The following AKAP13 variants were observed in gnomAD, a reference collection of about 807,000 sequenced individuals.
AKAP13 encodes the protein A-kinase anchoring protein 13, also known as A-kinase anchor protein 13.
In AKAP13, 80 loss-of-function variants were observed where a neutral mutation model predicts 264.5. That is an observed-to-expected ratio of 0.30 (90% CI 0.25 to 0.36). The LOEUF is 0.36. Ranked by LOEUF, AKAP13 falls within the 10% of genes least tolerant of loss-of-function variation. AKAP13 has a pLI of 1.00. For missense variants in AKAP13, 3,712 were observed against 3,435.2 expected, an observed-to-expected ratio of 1.08 and a Z score of -2.01; for synonymous variants, 1,380 against 1,250.2, an observed-to-expected ratio of 1.10 and a Z score of -2.19.
intron 14 of AKAP13, among the ~76,000 whole-genome samples, chr15:85,678,839 A>G (rs538983810): frequency 2.9e-4 from 44 of 152,186 alleles, no homozygotes; most frequent in African/African-American, 1.1e-3. Context: ...ACTACACTCT[A>G]GCCTGAGTGA....
Position 85,579,526 on chromosome 15 carries a change from C to T in AKAP13, c.1458C>T (p.Leu486=), listed in dbSNP as rs756635617. The change falls in exon 7 of 37, where the codon CTC becomes CTT. Residue 486 remains leucine, a synonymous_variant. Coordinates refer to ENST00000394518, the MANE Select transcript of AKAP13 (RefSeq NM_007200.5). ...CTGCAGGGGAAATGGAACATGGGCT[C>T]ATGAACCCAGATGCCACTGTTTGGA... ...PDTAGEMEHG[L]MNPDATVWKN... 1.7e-4 allele frequency: 274 copies of T among 1,614,022 alleles called. No homozygotes were observed. The highest frequency in any genetic ancestry group is 2.3e-4 in the Non-Finnish European group (268 of 1,180,030).
chr15:85,603,971 GACTTGTC>G (rs1420346525), intron 8 of AKAP13, among the ~76,000 whole-genome samples: 1 of 152,166 alleles, frequency 6.6e-6, no homozygotes, highest in African/African-American at 2.4e-5. Context: ...CATGCACAGT[GACTTGTC>G]ACATTTCTCA....
chr15:85,702,821 C>T (rs2086011357), intron 17 of AKAP13: 2 of 152,176 alleles, frequency 1.3e-5, no homozygotes, highest in Admixed American at 1.3e-4. Flanking sequence ...TCTTATTTCT[C>T]TATTATGTAA....
intron 1 of AKAP13, among the ~76,000 whole-genome samples, chr15:85,445,285 A>T (rs1596202886): frequency 6.6e-6 from 1 of 152,144 alleles, no homozygotes; most frequent in Non-Finnish European, 1.5e-5. Context: ...GCACCTTACC[A>T]CTGAAAGGGG....
intron 8 of AKAP13, among the ~76,000 whole-genome samples, chr15:85,633,077 A>G (rs537424654): frequency 1.8e-4 from 28 of 152,228 alleles, no homozygotes; most frequent in African/African-American, 6.7e-4. Flanking sequence ...TATGTTGGCC[A>G]GGATGATCTC....
chr15:85,482,593 G>A (rs1029620717), intron 1 of AKAP13, among the ~76,000 whole-genome samples: 3 of 152,172 alleles, frequency 2.0e-5, no homozygotes, highest in Admixed American at 6.5e-5. Flanking sequence ...ATCCTCTTAC[G>A]ATGTGGGGGG....
intron 1 of AKAP13, among the ~76,000 whole-genome samples, chr15:85,444,117 C>G (rs1249072214): frequency 6.6e-6 from 1 of 152,120 alleles, no homozygotes; most frequent in African/African-American, 2.4e-5. Flanking sequence ...CAGTTTGAAG[C>G]AGACTTCTTT....
At chr15:85,692,191 C>G (rs1234188964) in intron 16 of AKAP13, among the ~76,000 whole-genome samples, 1 of 152,122 alleles carries the variant, frequency 6.6e-6, no homozygotes, top group Non-Finnish European at 1.5e-5. Flanking sequence ...ACTTCCTTTC[C>G]CTTACTGCAA....
chr15:85,484,597 T>G (rs779390903), intron 1 of AKAP13, among the ~76,000 whole-genome samples: 8 of 152,178 alleles, frequency 5.3e-5, no homozygotes, highest in African/African-American at 2.4e-5. Context: ...AGGAGGCTGA[T>G]GTAGATTTTT....
chr15:85,532,272 C>A (rs1158709149), intron 3 of AKAP13, among the ~76,000 whole-genome samples: 5 of 152,224 alleles, frequency 3.3e-5, no homozygotes, highest in African/African-American at 1.2e-4. Context: ...AATTAACTTA[C>A]TTATTATTCT....
chr15:85,549,944 A>G (rs2077894386), intron 5 of AKAP13, among the ~76,000 whole-genome samples: 1 of 152,042 alleles, frequency 6.6e-6, no homozygotes, highest in Non-Finnish European at 1.5e-5. Context: ...ATTGAGACAG[A>G]CTATTGCTGT....
At chr15:85,383,198 A>C (rs2070382220) in intron 1 of AKAP13, among the ~76,000 whole-genome samples, 4 of 152,102 alleles carry the variant, frequency 2.6e-5, no homozygotes. Flanking sequence ...CAGCCAGTGA[A>C]ATTATTAAAA....
At chr15:85,550,307 A>G (rs2077911993) in intron 5 of AKAP13, among the ~76,000 whole-genome samples, 1 of 152,160 alleles carries the variant, frequency 6.6e-6, no homozygotes, top group Non-Finnish European at 1.5e-5. Context: ...AACAGAACCT[A>G]AAGTGCACCG....
chr15:85,465,254 G>T (rs1248812308), intron 1 of AKAP13, among the ~76,000 whole-genome samples: 1 of 151,902 alleles, frequency 6.6e-6, no homozygotes, highest in Non-Finnish European at 1.5e-5. Flanking sequence ...GCCCGGCCAG[G>T]CATTAATTAC....
chr15:85,654,205 T>G (rs998428672), intron 10 of AKAP13, among the ~76,000 whole-genome samples: 2 of 152,218 alleles, frequency 1.3e-5, no homozygotes, highest in South Asian at 2.1e-4. Flanking sequence ...ATGAGAAAAA[T>G]GTATAGCTTT....
chr15:85,639,772 C>T (rs1468375834), intron 9 of AKAP13, among the ~76,000 whole-genome samples: 5 of 152,160 alleles, frequency 3.3e-5, no homozygotes, highest in Non-Finnish European at 7.3e-5. Context: ...CTGAGGTTCT[C>T]AATTTTGAAT....
At chr15:85,491,323 T>C (rs2151071032) in intron 2 of AKAP13, among the ~76,000 whole-genome samples, 1 of 152,116 alleles carries the variant, frequency 6.6e-6, no homozygotes, top group South Asian at 2.1e-4. Flanking sequence ...TTTATCCTAA[T>C]GTGGATCTGC....
In AKAP13 at chr15:85,464,035, C is replaced by G. The variant is rs374782220; in HGVS notation, c.-11-21675C>G. 1.6e-4 allele frequency among the ~76,000 whole-genome samples: 25 copies of G among 152,270 alleles called. 1 individual carries two copies. Among genetic ancestry groups the G allele is most frequent in the African/African-American group, 6.0e-4 (25 of 41,562 alleles). On this transcript the variant is annotated intron_variant, in intron 1 of 36. Coordinates refer to ENST00000394518, the MANE Select transcript of AKAP13 (RefSeq NM_007200.5). ...GAATTACTGCTCCCGAGGCCCTGTTCCTACTTCTTTTTGTCCTAGTTGCTC... is the reference window on the plus strand; with the variant it reads ...GAATTACTGCTCCCGAGGCCCTGTTGCTACTTCTTTTTGTCCTAGTTGCTC...
chr15:85,700,163 G>A (rs552298557), intron 17 of AKAP13, among the ~76,000 whole-genome samples: 4 of 152,260 alleles, frequency 2.6e-5, no homozygotes, highest in East Asian at 3.9e-4. Context: ...GCTATATTAA[G>A]TCTTTGTCTA....
Sources: gnomAD v4.1 joint callset for allele counts (sites outside exome capture counted in the v4.1 genomes callset) on GRCh38, gnomAD v4.1.1 for gene constraint, MANE v1.5 for transcripts, NCBI Gene and HGNC (gene_info 2026-07-23, HGNC 2026-07-21) for gene names.